The following BNC2 variants were observed in gnomAD, a reference collection of about 807,000 sequenced individuals.
BNC2 encodes zinc finger protein basonuclin-2.
In BNC2, 20 loss-of-function variants were observed where a neutral mutation model predicts 76.3. That is an observed-to-expected ratio of 0.26 (90% CI 0.18 to 0.38). BNC2 has a LOEUF of 0.38. Ranked by LOEUF, BNC2 falls within the 10% of genes least tolerant of loss-of-function variation. The pLI is 1.00. For synonymous variants in BNC2, 582 were observed against 514.8 expected (o/e 1.13, Z -1.77); for missense variants, 1,382 against 1,399.8 (o/e 0.99, Z 0.20).
chr9:16,448,597 G>A (rs1198395134), intron 5 of BNC2, among the ~76,000 whole-genome samples: 1 of 152,142 alleles, frequency 6.6e-6, no homozygotes, highest in Admixed American at 6.5e-5. Context: ...AGGGAGCAGG[G>A]CGAGAAAGGG....
intron 1 of BNC2, among the ~76,000 whole-genome samples, chr9:16,810,760 G>A (rs1054287148): frequency 7.2e-5 from 11 of 152,148 alleles, no homozygotes; most frequent in African/African-American, 1.2e-4. Context: ...GAGAAAAGCC[G>A]CTAGCCAGAT....
rs141746103 is a variant in BNC2 at position 16,557,663 on chromosome 9, T to C, written c.434-4898A>G. On this transcript the variant is annotated intron_variant, in intron 4 of 6. Coordinates refer to ENST00000380672, the MANE Select transcript of BNC2 (RefSeq NM_017637.6). ...CCTTTTTCTCTTCAACTTGCTTAAG[T>C]ATCTCAGTGGGCTGAACTGTACTTG... is the stretch of plus-strand genomic sequence containing the variant. Among the ~76,000 whole-genome samples the C allele has an allele frequency of 3.2e-3, 489 of 152,216 alleles. 4 individuals carry two copies. Among genetic ancestry groups the C allele is most frequent in the African/African-American group, 0.011 (455 of 41,542 alleles).
Position 16,409,560 on chromosome 9 carries a change from A to G in BNC2, c.*9429T>C, listed in dbSNP as rs1172316391. 6.6e-6 allele frequency: 1 copy of G among 152,666 alleles called. No homozygotes were observed. The highest frequency in any genetic ancestry group is 2.4e-5 in the African/African-American group (1 of 41,464). The allele number at this position is 152,666 out of a possible 1,614,324, so 9.5% of individuals were successfully genotyped here. A position where few individuals can be genotyped will look rare whatever the true frequency, so the allele number is the denominator to read the frequency against. ...GTACAAGAATTTTGATACAAATTAC[A>G]AGAGGTATTTGGACAAAATATGAAT... On this transcript the variant is annotated 3_prime_UTR_variant, in exon 7 of 7. Transcript: ENST00000380672.
chr9:16,581,026 C>G (rs1819616596), intron 4 of BNC2, among the ~76,000 whole-genome samples: 1 of 152,104 alleles, frequency 6.6e-6, no homozygotes. Flanking sequence ...GATATAAGCT[C>G]TGTACCTATT....
intron 1 of BNC2, among the ~76,000 whole-genome samples, chr9:16,842,134 T>A (rs559146724): frequency 6.6e-6 from 1 of 152,298 alleles, no homozygotes; most frequent in Admixed American, 6.5e-5. Context: ...AATGCACATA[T>A]TTTTTGGAGT....
intron 5 of BNC2, among the ~76,000 whole-genome samples, chr9:16,497,977 T>TC (rs1563810968): frequency 6.2e-5 from 4 of 64,704 alleles, no homozygotes; most frequent in African/African-American, 1.2e-4. Context: ...AAAGAAACTG[T>TC]GGTGTGTGTG....
chr9:16,757,193 C>T (rs1586859111), intron 1 of BNC2, among the ~76,000 whole-genome samples: 1 of 152,184 alleles, frequency 6.6e-6, no homozygotes, highest in Non-Finnish European at 1.5e-5. Context: ...TTCCAACATA[C>T]TAGCCATGAA....
chr9:16,585,900 T>C (rs1446396832), intron 3 of BNC2, among the ~76,000 whole-genome samples: 1 of 152,048 alleles, frequency 6.6e-6, no homozygotes, highest in Non-Finnish European at 1.5e-5. Context: ...CAAGCTGTTA[T>C]ATTCTGTGAA....
intron 3 of BNC2, among the ~76,000 whole-genome samples, chr9:16,708,046 T>C (rs1227412671): frequency 6.6e-6 from 1 of 152,188 alleles, no homozygotes; most frequent in Non-Finnish European, 1.5e-5. Context: ...CTATTTTCTA[T>C]GAAATTGTAC....
chr9:16,520,926 A>G (rs1447311046), intron 5 of BNC2, among the ~76,000 whole-genome samples: 1 of 152,208 alleles, frequency 6.6e-6, no homozygotes, highest in Non-Finnish European at 1.5e-5. Context: ...TTCCTCCAAG[A>G]ATGACTGACT....
chr9:16,552,366 C>T (rs1818689018), intron 5 of BNC2, among the ~76,000 whole-genome samples, 164 bp downstream of exon 5: 1 of 152,200 alleles, frequency 6.6e-6, no homozygotes, highest in South Asian at 2.1e-4. Context: ...CGATGGTGGC[C>T]TGCTTTGTCT....
At chr9:16,506,357 T>C (rs916649517) in intron 5 of BNC2, among the ~76,000 whole-genome samples, 3 of 152,110 alleles carry the variant, frequency 2.0e-5, no homozygotes, top group Admixed American at 1.3e-4. Context: ...AACTAGCTTC[T>C]TTCCTGTGAC....
chr9:16,464,626 A>C (rs1461464603), intron 5 of BNC2, among the ~76,000 whole-genome samples: 1 of 152,152 alleles, frequency 6.6e-6, no homozygotes, highest in African/African-American at 2.4e-5. Context: ...ATATTTTGAA[A>C]GAACAGTCTT....
Position 16,659,480 on chromosome 9 carries a change from T to C in BNC2, c.330+68317A>G, listed in dbSNP as rs550736064. Among the ~76,000 whole-genome samples, 127 of 152,042 alleles carry C rather than the reference T, an allele frequency of 8.4e-4. 1 individual carries two copies. The South Asian group carries it at 0.02, about 24-fold the overall frequency. ...AAAATTAGCTGTGTGTGGTGGTGCA[T>C]GCCTGTAATCCCAGCTACTCGGGAG... On this transcript the variant is annotated intron_variant, in intron 3 of 6. Transcript: ENST00000380672.
intron 1 of BNC2, among the ~76,000 whole-genome samples, chr9:16,746,105 G>A (rs1563924363): frequency 6.6e-6 from 1 of 152,062 alleles, no homozygotes; most frequent in African/African-American, 2.4e-5. Flanking sequence ...AGAATAAACT[G>A]GTAGCAAAGC....
intron 1 of BNC2, among the ~76,000 whole-genome samples, chr9:16,801,163 G>T (rs766941213): frequency 3.3e-5 from 5 of 152,088 alleles, no homozygotes; most frequent in African/African-American, 4.8e-5. Flanking sequence ...TTTTTCACAT[G>T]TAAGTCTTTT....
intron 3 of BNC2, among the ~76,000 whole-genome samples, chr9:16,658,076 T>TA (rs1422359594): frequency 3.9e-5 from 6 of 152,116 alleles, no homozygotes; most frequent in Admixed American, 6.5e-5. Flanking sequence ...CACTCAGAGG[T>TA]AGAAGGAGAT....
At chr9:16,656,312 G>A (rs151204973) in intron 3 of BNC2, among the ~76,000 whole-genome samples, 22 of 152,294 alleles carry the variant, frequency 1.4e-4, no homozygotes, top group African/African-American at 5.3e-4. Flanking sequence ...TTACAAGAAA[G>A]GACAAAGGGA....
At position 16,426,900 on chromosome 9, in the gene BNC2, C is replaced by G. The variant is rs141747848; in HGVS notation, c.2640-7251G>C. 1.7e-3 allele frequency among the ~76,000 whole-genome samples: 265 copies of G among 152,292 alleles called. 1 individual carries two copies. The highest frequency in any genetic ancestry group is 6.2e-3 in the African/African-American group (256 of 41,562). On this transcript the variant is annotated intron_variant, in intron 6 of 6. Transcript: ENST00000380672. Reference sequence around the variant, plus strand: ...ATACAGATACATGTTGAGACTACCACTAATCTTGTGGGATTTCCTGGTGTA... The same window carrying G: ...ATACAGATACATGTTGAGACTACCAGTAATCTTGTGGGATTTCCTGGTGTA...
Sources: gnomAD v4.1 joint callset for allele counts (sites outside exome capture counted in the v4.1 genomes callset) on GRCh38, gnomAD v4.1.1 for gene constraint, MANE v1.5 for transcripts, NCBI Gene and HGNC (gene_info 2026-07-23, HGNC 2026-07-21) for gene names.